SSBP2: variants seen among roughly 807,000 people sequenced by gnomAD.
The protein encoded by SSBP2 is single stranded DNA binding protein 2, also known as single-stranded DNA-binding protein 2.
In SSBP2, 17 loss-of-function variants were observed where a neutral mutation model predicts 61.8. The ratio of observed to expected loss-of-function variants is 0.28; its 90% CI spans 0.19 to 0.41. SSBP2 has a LOEUF of 0.41. Ranked by LOEUF, SSBP2 falls within the 10% of genes least tolerant of loss-of-function variation. The probability of loss-of-function intolerance (pLI) is 1.00; values close to 1 mark genes in which losing one functional copy is unlikely to be tolerated. For missense variants in SSBP2, 310 were observed against 458.7 expected (o/e 0.68, Z 2.96); for synonymous variants, 139 against 141.3 (o/e 0.98, Z 0.12).
intron 1 of SSBP2, among the ~76,000 whole-genome samples, chr5:81,739,140 G>C (rs184483545): frequency 1.3e-3 from 147 of 116,556 alleles, no homozygotes; most frequent in Admixed American, 1.9e-3. Context: ...ACTCCAGCCT[G>C]GTGACAGAGT....
At chr5:81,591,312 C>T (rs1178633552) in intron 4 of SSBP2, among the ~76,000 whole-genome samples, 2 of 152,180 alleles carry the variant, frequency 1.3e-5, no homozygotes, top group East Asian at 3.9e-4. Context: ...AAAGAGGAGG[C>T]ATGCCAATCA....
chr5:81,502,275 ATTC>A (rs1436611570), intron 5 of SSBP2, among the ~76,000 whole-genome samples: 1 of 152,116 alleles, frequency 6.6e-6, no homozygotes, highest in Non-Finnish European at 1.5e-5. Context: ...ACAGCTGATC[ATTC>A]TTCTCCTCCT....
intron 1 of SSBP2, among the ~76,000 whole-genome samples, chr5:81,734,200 T>C (rs1224576155): frequency 6.6e-6 from 1 of 152,116 alleles, no homozygotes; most frequent in Non-Finnish European, 1.5e-5. Context: ...AATACACAGA[T>C]AAAAACTCCA....
At chr5:81,549,079 TCTAA>T (rs1771975840) in intron 4 of SSBP2, among the ~76,000 whole-genome samples, 1 of 152,196 alleles carries the variant, frequency 6.6e-6, no homozygotes, top group Admixed American at 6.5e-5. Context: ...AAAGGAAACC[TCTAA>T]CTGATAAGCT....
At chr5:81,733,998 A>G (rs536730701) in intron 1 of SSBP2, among the ~76,000 whole-genome samples, 1 of 152,226 alleles carries the variant, frequency 6.6e-6, no homozygotes, top group Non-Finnish European at 1.5e-5. Flanking sequence ...TACAGAAACA[A>G]TCAGAAATAT....
At chr5:81,489,166 A>T in intron 6 of SSBP2, 84 bp downstream of exon 6, 1 of 1,249,110 alleles carries the variant, frequency 8.0e-7, no homozygotes, top group Non-Finnish European at 1.1e-6. Flanking sequence ...GGAGAATTTC[A>T]TATTTTTACA....
At chr5:81,541,319 A>G (rs775498680) in intron 4 of SSBP2, among the ~76,000 whole-genome samples, 2 of 152,196 alleles carry the variant, frequency 1.3e-5, no homozygotes, top group Non-Finnish European at 2.9e-5. Context: ...TGGAAGAATC[A>G]ATATTATTAA....
At chr5:81,535,414 C>T (rs1402625001) in intron 4 of SSBP2, among the ~76,000 whole-genome samples, 1 of 152,010 alleles carries the variant, frequency 6.6e-6, no homozygotes, top group Non-Finnish European at 1.5e-5. Context: ...GAACTTATTT[C>T]GTCGCTATTG....
intron 5 of SSBP2, among the ~76,000 whole-genome samples, chr5:81,500,564 G>GA: frequency 6.6e-6 from 1 of 152,216 alleles, no homozygotes; most frequent in African/African-American, 2.4e-5. Context: ...GGGTTCAAGT[G>GA]ATTCTCCTGC....
intron 1 of SSBP2, among the ~76,000 whole-genome samples, chr5:81,696,869 C>T (rs919766382): frequency 1.4e-4 from 21 of 152,132 alleles, no homozygotes; most frequent in Admixed American, 9.8e-4. Flanking sequence ...TGTGCAGCAC[C>T]GTATTCCTCA....
chr5:81,480,183 T>C (rs1765879158), intron 6 of SSBP2, among the ~76,000 whole-genome samples: 1 of 152,200 alleles, frequency 6.6e-6, no homozygotes, highest in African/African-American at 2.4e-5. Flanking sequence ...GCCTGCTTCA[T>C]AAAAGAATTA....
intron 12 of SSBP2, among the ~76,000 whole-genome samples, chr5:81,445,138 TTATATATATATATATATATATATATA>T (rs1160080305): frequency 3.0e-5 from 1 of 33,896 alleles, no homozygotes; most frequent in Non-Finnish European, 5.3e-5. Context: ...AAAAAAAATT[TTATATATATATATATATATATATATA>T]TATATATATA....
At chr5:81,590,198 T>TA (rs573306720) in intron 4 of SSBP2, among the ~76,000 whole-genome samples, 16 of 150,276 alleles carry the variant, frequency 1.1e-4, no homozygotes, top group South Asian at 2.1e-4. Flanking sequence ...GTCATAGATT[T>TA]AAAAAAAAAA....
chr5:81,685,358 TG>T (rs1249333971), intron 1 of SSBP2, among the ~76,000 whole-genome samples: 5 of 152,154 alleles, frequency 3.3e-5, no homozygotes, highest in Non-Finnish European at 5.9e-5. Context: ...AACCCTAATT[TG>T]AACTATATAT....
At chr5:81,551,494 GAC>G (rs1772185653) in intron 4 of SSBP2, among the ~76,000 whole-genome samples, 1 of 152,110 alleles carries the variant, frequency 6.6e-6, no homozygotes, top group Admixed American at 6.5e-5. Context: ...CTAAAATGCT[GAC>G]AGTCAGTCTA....
chr5:81,460,484 A>AAT (rs2153998240), intron 10 of SSBP2, among the ~76,000 whole-genome samples: 1 of 152,312 alleles, frequency 6.6e-6, no homozygotes, highest in Non-Finnish European at 1.5e-5. Flanking sequence ...AAGAGAGATA[A>AAT]ATATTAGTGC....
chr5:81,603,896 T>C (rs948824192), intron 4 of SSBP2, among the ~76,000 whole-genome samples: 8 of 152,144 alleles, frequency 5.3e-5, no homozygotes, highest in African/African-American at 1.9e-4. Flanking sequence ...TTCTGAATAG[T>C]TTAGTGTTTC....
intron 6 of SSBP2, among the ~76,000 whole-genome samples, chr5:81,488,466 G>A (rs1286216698): frequency 3.9e-5 from 6 of 152,096 alleles, no homozygotes; most frequent in African/African-American, 1.4e-4. Context: ...ATTTCCTTAT[G>A]ATTAGTGATA....
At chr5:81,451,281 C>T (rs1763751190) in intron 10 of SSBP2, among the ~76,000 whole-genome samples, 1 of 151,990 alleles carries the variant, frequency 6.6e-6, no homozygotes, top group South Asian at 2.1e-4. Flanking sequence ...TCATTTTCAG[C>T]TCAACATTCT....
Sources: allele counts gnomAD v4.1 joint callset (sites outside exome capture counted in the v4.1 genomes callset), GRCh38; gene constraint gnomAD v4.1.1; transcripts MANE v1.5; gene names NCBI Gene and HGNC (gene_info 2026-07-23, HGNC 2026-07-21).